Variants in RNF150 observed in about 807,000 individuals in gnomAD.
RNF150 encodes ring finger protein 150.
Under a neutral mutation model 39.3 loss-of-function variants are expected in RNF150, and 24 were observed. The ratio of observed to expected loss-of-function variants is 0.61; its 90% CI spans 0.44 to 0.86. The LOEUF is 0.86. RNF150 is among the 40% of genes least tolerant of loss of function. The probability of loss-of-function intolerance (pLI) is 0.00; values close to 1 mark genes in which losing one functional copy is unlikely to be tolerated. For synonymous variants in RNF150, 255 were observed against 227.3 expected (o/e 1.12, Z -1.10); for missense variants, 502 against 587.8 (o/e 0.85, Z 1.51).
At chr4:140,997,597 C>T (rs1183695787) in intron 1 of RNF150, among the ~76,000 whole-genome samples, 2 of 147,304 alleles carry the variant, frequency 1.4e-5, no homozygotes, top group Non-Finnish European at 3.0e-5. Context: ...GACCCTTAAT[C>T]CCAGCTACTC....
chr4:141,037,027 AT>A (rs1736174274), intron 1 of RNF150, among the ~76,000 whole-genome samples: 1 of 152,198 alleles, frequency 6.6e-6, no homozygotes, highest in African/African-American at 2.4e-5. Flanking sequence ...TTGATCCAAT[AT>A]TTAACACAGA....
At chr4:141,033,442 G>A (rs547872630) in intron 1 of RNF150, among the ~76,000 whole-genome samples, 11 of 152,120 alleles carry the variant, frequency 7.2e-5, no homozygotes, top group Middle Eastern at 3.4e-3. Flanking sequence ...CCCCAAAGTC[G>A]CCCATGAGAA....
chr4:140,893,936 G>A (rs1001989428), intron 6 of RNF150, among the ~76,000 whole-genome samples: 4 of 152,100 alleles, frequency 2.6e-5, no homozygotes, highest in African/African-American at 9.7e-5. Context: ...ATGTACAAAA[G>A]GCCAAATTCC....
chr4:140,967,944 G>T, intron 1 of RNF150, 71 bp from the exon 2 acceptor site: 1 of 1,374,764 alleles, frequency 7.3e-7, no homozygotes, highest in Non-Finnish European at 1.0e-6. Flanking sequence ...AGTGAGATGT[G>T]TGGACACAGT....
At chr4:140,910,700 C>T (rs1206454942) in intron 6 of RNF150, among the ~76,000 whole-genome samples, 1 of 110,066 alleles carries the variant, frequency 9.1e-6, no homozygotes, top group Non-Finnish European at 2.2e-5. Flanking sequence ...ACACTCGGGG[C>T]TCCAGTGTGT....
chr4:140,986,616 TC>T (rs1339739919), intron 1 of RNF150, among the ~76,000 whole-genome samples: 1 of 152,042 alleles, frequency 6.6e-6, no homozygotes, highest in Non-Finnish European at 1.5e-5. Flanking sequence ...TCTACTGCCA[TC>T]CTGTCATGGT....
chr4:141,120,464 T>C (rs1405527938), intron 1 of RNF150, among the ~76,000 whole-genome samples: 1 of 152,174 alleles, frequency 6.6e-6, no homozygotes, highest in Non-Finnish European at 1.5e-5. Context: ...CAAATTGTAC[T>C]TTGCTGGAAG....
intron 1 of RNF150, among the ~76,000 whole-genome samples, chr4:141,104,375 A>G (rs1207401592): frequency 6.6e-5 from 10 of 152,192 alleles, no homozygotes; most frequent in Admixed American, 6.5e-4. Flanking sequence ...TCTTTCATCC[A>G]TTTTGAATCA....
At chr4:140,992,050 A>G (rs943726091) in intron 1 of RNF150, among the ~76,000 whole-genome samples, 1 of 152,210 alleles carries the variant, frequency 6.6e-6, no homozygotes, top group African/African-American at 2.4e-5. Flanking sequence ...ATTCCTTATC[A>G]AAAAAGAATA....
chr4:141,150,500 C>T (rs1466202782), intron 1 of RNF150, among the ~76,000 whole-genome samples: 1 of 152,236 alleles, frequency 6.6e-6, no homozygotes, highest in Non-Finnish European at 1.5e-5. Flanking sequence ...CTCCCTTACA[C>T]AGCTGCCAAG....
intron 1 of RNF150, among the ~76,000 whole-genome samples, chr4:140,989,899 T>A (rs929087668): frequency 2.6e-5 from 4 of 152,212 alleles, no homozygotes; most frequent in African/African-American, 9.6e-5. Flanking sequence ...AAGAGCATTT[T>A]AAATTCTTGT....
chr4:141,082,085 A>T (rs557863188), intron 1 of RNF150, among the ~76,000 whole-genome samples: 6 of 152,226 alleles, frequency 3.9e-5, no homozygotes, highest in Non-Finnish European at 8.8e-5. Flanking sequence ...GCACAGTCAC[A>T]ACACATGGGC....
chr4:141,052,663 A>C (rs561932917), intron 1 of RNF150, among the ~76,000 whole-genome samples: 3 of 152,222 alleles, frequency 2.0e-5, no homozygotes, highest in Non-Finnish European at 4.4e-5. Flanking sequence ...AGTGTGAGCC[A>C]CCACACCCAG....
intron 1 of RNF150, among the ~76,000 whole-genome samples, chr4:141,029,172 G>T (rs1443466192): frequency 6.6e-6 from 1 of 152,148 alleles, no homozygotes; most frequent in Non-Finnish European, 1.5e-5. Context: ...TAAAACTACA[G>T]ATTGCACATA....
intron 1 of RNF150, among the ~76,000 whole-genome samples, chr4:141,123,564 T>TA (rs140644547): frequency 0.053 from 8,133 of 152,288 alleles, 644 homozygotes; most frequent in African/African-American, 0.17. Context: ...TTATTTTTTT[T>TA]ATTATACTTT....
At chr4:141,180,431 A>G (rs2111187015) in intron 1 of RNF150, among the ~76,000 whole-genome samples, 1 of 152,300 alleles carries the variant, frequency 6.6e-6, no homozygotes, top group South Asian at 2.1e-4. Flanking sequence ...AAGAATAATA[A>G]TAAGTAATAG....
At chr4:141,153,038 A>G (rs895319602) in intron 1 of RNF150, among the ~76,000 whole-genome samples, 6 of 152,174 alleles carry the variant, frequency 3.9e-5, no homozygotes, top group African/African-American at 1.4e-4. Flanking sequence ...CATTCGCAAC[A>G]TCTTAATTAT....
At chr4:140,925,903 T>A in intron 5 of RNF150, 74 bp downstream of exon 5, 5 of 1,015,752 alleles carry the variant, frequency 4.9e-6, no homozygotes, top group Non-Finnish European at 7.8e-6. Flanking sequence ...CATCCAAGTA[T>A]AATGTTTTCT....
intron 1 of RNF150, among the ~76,000 whole-genome samples, chr4:141,205,420 A>G (rs2111223207): frequency 6.6e-6 from 1 of 152,350 alleles, no homozygotes; most frequent in Middle Eastern, 3.4e-3. Context: ...GGAAACAAAG[A>G]GAATGAGAAT....
Sources: allele counts gnomAD v4.1 joint callset (sites outside exome capture counted in the v4.1 genomes callset), GRCh38; gene constraint gnomAD v4.1.1; transcripts MANE v1.5; gene names NCBI Gene and HGNC (gene_info 2026-07-23, HGNC 2026-07-21).